The following PLEKHA7 variants were observed in gnomAD, a reference collection of about 807,000 sequenced individuals.
The protein encoded by PLEKHA7 is pleckstrin homology domain-containing family A member 7.
In PLEKHA7, 104 loss-of-function variants were observed where a neutral mutation model predicts 170.0. The observed-to-expected ratio is 0.61, with a 90% CI of 0.52 to 0.72. PLEKHA7 has a LOEUF of 0.72. Ranked by LOEUF, PLEKHA7 falls within the 30% of genes least tolerant of loss-of-function variation. The pLI is 0.00. For missense variants in PLEKHA7, 1,615 were observed against 1,671.7 expected (o/e 0.97, Z 0.59); for synonymous variants, 648 against 660.8 (o/e 0.98, Z 0.30).
chr11:16,918,259 C>T (rs939780371), intron 3 of PLEKHA7, among the ~76,000 whole-genome samples: 1 of 152,208 alleles, frequency 6.6e-6, no homozygotes, highest in Non-Finnish European at 1.5e-5. Flanking sequence ...AAAATTCTAT[C>T]AAAATCAAGC....
chr11:16,885,528 G>C (rs1590465076), intron 3 of PLEKHA7, among the ~76,000 whole-genome samples: 3 of 151,492 alleles, frequency 2.0e-5, no homozygotes, highest in Admixed American at 2.0e-4. Context: ...GCTGGGAGTG[G>C]TGGCGGAGCC....
At chr11:16,788,945 G>A (rs747518336) in intron 23 of PLEKHA7, 151 bp downstream of exon 23, 9 of 977,418 alleles carry the variant, frequency 9.2e-6, no homozygotes, top group South Asian at 4.9e-5. Flanking sequence ...AGCCTGGGTC[G>A]TGGACAAACA....
rs762670192 is a variant in PLEKHA7, at chr11:16,789,092, A to G, written c.3357+4T>C. The G allele has an allele frequency of 6.2e-7, 1 of 1,601,396 alleles. No homozygotes were observed. Among genetic ancestry groups the G allele is most frequent in the Non-Finnish European group, 8.5e-7 (1 of 1,179,836 alleles). ...GCCCCGCTGCCTGGCCCCTCCTAACATACTGAGCCAAGATCTCCAGGGAGC... is the reference window on the plus strand; with the variant it reads ...GCCCCGCTGCCTGGCCCCTCCTAACGTACTGAGCCAAGATCTCCAGGGAGC... On this transcript the variant is annotated splice_donor_region_variant and intron_variant, in intron 23 of 26. Coordinates refer to ENST00000531066, the MANE Select transcript of PLEKHA7 (RefSeq NM_001329630.2). This position sits in a 1 kb window ranked among gnomAD's most constrained non-coding sequence, Gnocchi z 4.6.
Position 16,794,607 on chromosome 11 carries a change from G to A in PLEKHA7, c.2626C>T (p.Pro876Ser). 6.2e-7 allele frequency: 1 copy of A among 1,613,692 alleles called. No individual in the cohort carries two copies. Among genetic ancestry groups the A allele is most frequent in the Non-Finnish European group, 8.5e-7 (1 of 1,179,838 alleles). ...PSPPTSPVRT[P>S]LEVRLFPQLQ... ...TGGGGGAAGAGTCGAACCTCCAGAG[G>A]GGTCCGCACAGGGCTGGTGGGAGGA... Residue 876 changes from proline to serine, a missense_variant, in exon 19 of 27, where the codon CCT (proline) becomes TCT (serine). Transcript: ENST00000531066.
rs1270916316 is a variant in PLEKHA7 at position 16,863,873 on chromosome 11, A to T, written c.305+7226T>A. On this transcript the variant is annotated intron_variant, in intron 4 of 26. Coordinates refer to ENST00000531066, the MANE Select transcript of PLEKHA7 (RefSeq NM_001329630.2). ...ACTGAGAATCAGGAAAGAGGCTTAGAAGGGAGCAAAATGATCCAATAACTG... is the reference window on the plus strand; with the variant it reads ...ACTGAGAATCAGGAAAGAGGCTTAGTAGGGAGCAAAATGATCCAATAACTG... 5.3e-5 allele frequency among the ~76,000 whole-genome samples: 3 copies of T among 57,002 alleles called. No individual in the cohort carries two copies. The East Asian group carries it at 3.4e-3, about 65-fold the overall frequency. 37.4% of individuals were successfully genotyped at this position (57,002 alleles called of 152,430 possible).
chr11:16,827,360 T>C (rs1267807117), intron 9 of PLEKHA7, among the ~76,000 whole-genome samples: 1 of 152,222 alleles, frequency 6.6e-6, no homozygotes, highest in African/African-American at 2.4e-5. Flanking sequence ...ATAAGGAAAC[T>C]GACTCACAGA....
intron 12 of PLEKHA7, 144 bp from the exon 13 acceptor site, chr11:16,813,310 A>G: frequency 1.7e-6 from 1 of 579,202 alleles, no homozygotes; most frequent in South Asian, 2.3e-5. Flanking sequence ...GCCACAGAGG[A>G]AGCACAAATG....
At chr11:17,010,750 CACTT>C (rs1865277420) in intron 3 of PLEKHA7, among the ~76,000 whole-genome samples, 1 of 152,214 alleles carries the variant, frequency 6.6e-6, no homozygotes, top group Non-Finnish European at 1.5e-5. Flanking sequence ...TTGTCGCTCT[CACTT>C]TATGAGCCAG....
At chr11:16,871,309 T>C in intron 3 of PLEKHA7, 127 bp from the exon 4 acceptor site, 1 of 685,560 alleles carries the variant, frequency 1.5e-6, no homozygotes, top group Non-Finnish European at 2.6e-6. Context: ...AATGTGGGCC[T>C]TTCCTCTGAG....
At chr11:16,829,310 G>A (rs418034) in intron 9 of PLEKHA7, among the ~76,000 whole-genome samples, 24,462 of 151,912 alleles carry the variant, frequency 0.16, 2,394 homozygotes, top group African/African-American at 0.27. Flanking sequence ...CCACCCTGCC[G>A]GGGGCCTAAA....
intron 3 of PLEKHA7, among the ~76,000 whole-genome samples, chr11:16,926,197 G>A (rs1391175306): frequency 6.6e-6 from 1 of 152,194 alleles, no homozygotes; most frequent in East Asian, 1.9e-4. Context: ...ATGTGACTGC[G>A]ACCTCATCGC....
chr11:16,869,478 A>G (rs1276556232), intron 4 of PLEKHA7, among the ~76,000 whole-genome samples: 2 of 152,260 alleles, frequency 1.3e-5, no homozygotes, highest in Non-Finnish European at 2.9e-5. Context: ...TCTATCTCTC[A>G]GGATGATCCT....
chr11:16,982,748 A>C (rs796311192), intron 3 of PLEKHA7, among the ~76,000 whole-genome samples: 2 of 143,430 alleles, frequency 1.4e-5, no homozygotes, highest in Non-Finnish European at 3.0e-5. Context: ...TACCTCTCTT[A>C]CCTCTCAGAC....
intron 17 of PLEKHA7, among the ~76,000 whole-genome samples, chr11:16,799,120 C>T (rs1282337168): frequency 6.6e-6 from 1 of 152,160 alleles, no homozygotes; most frequent in African/African-American, 2.4e-5. Flanking sequence ...ATGAGGAATA[C>T]ATTTTGAATT....
intron 3 of PLEKHA7, among the ~76,000 whole-genome samples, chr11:16,949,522 C>A (rs1452983429): frequency 6.6e-6 from 1 of 152,190 alleles, no homozygotes; most frequent in Non-Finnish European, 1.5e-5. Context: ...ATTATACACA[C>A]ATGAATCTGA....
intron 3 of PLEKHA7, among the ~76,000 whole-genome samples, chr11:16,872,467 T>G (rs1421815403): frequency 2.6e-5 from 4 of 152,208 alleles, no homozygotes; most frequent in Non-Finnish European, 5.9e-5. Context: ...AAAAGTCCTA[T>G]ATTATTAAGA....
Position 16,925,025 on chromosome 11 carries a change from C to G in PLEKHA7, c.222-53843G>C, listed in dbSNP as rs571857258. Among the ~76,000 whole-genome samples, 329 of 152,364 alleles carry G rather than the reference C, an allele frequency of 2.2e-3. 7 individuals carry two copies. The highest frequency in any genetic ancestry group is 3.4e-4 in the Non-Finnish European group (23 of 68,030). On this transcript the variant is annotated intron_variant, in intron 3 of 26. Coordinates refer to ENST00000531066, the MANE Select transcript of PLEKHA7 (RefSeq NM_001329630.2). Reference sequence around the variant, plus strand: ...GACCCCTTACCTCCTCCGTAGCCGGCTCCTGGCAAGTGTGGGTGTAGAGGA... The same window carrying G: ...GACCCCTTACCTCCTCCGTAGCCGGGTCCTGGCAAGTGTGGGTGTAGAGGA...
rs151245578 is a variant in PLEKHA7 at position 16,790,546 on chromosome 11, C to G, written c.3052+252G>C. On this transcript the variant is annotated intron_variant, in intron 21 of 26. Coordinates refer to ENST00000531066, the MANE Select transcript of PLEKHA7 (RefSeq NM_001329630.2). The stretch of plus-strand genomic sequence containing the variant: ...ATCATGTCTATATAAAGTGCTTAAA[C>G]AGTGCCAGGCTTTCTAGTAACTGCT... 1.0e-5 allele frequency: 5 copies of G among 493,828 alleles called. No individual in the cohort carries two copies. The Admixed American group carries it at 1.7e-4, about 17-fold the overall frequency. 30.6% of individuals were successfully genotyped at this position (493,828 alleles called of 1,614,324 possible).
intron 3 of PLEKHA7, among the ~76,000 whole-genome samples, chr11:16,964,482 G>A (rs1862250316): frequency 6.6e-6 from 1 of 152,164 alleles, no homozygotes. Flanking sequence ...TCCTTGAGCT[G>A]TACCCAAGCC....
Sources: gnomAD v4.1 joint callset for allele counts (sites outside exome capture counted in the v4.1 genomes callset) on GRCh38, gnomAD v4.1.1 for gene constraint, Gnocchi (gnomAD v3.1) non-coding constraint, MANE v1.5 for transcripts, NCBI Gene and HGNC (gene_info 2026-07-23, HGNC 2026-07-21) for gene names.